The following CERS6 variants were observed in gnomAD, a reference collection of about 807,000 sequenced individuals.
CERS6 encodes ceramide synthase 6, also known as LAG1 homolog, ceramide synthase 6.
A neutral mutation model predicts 56.8 loss-of-function variants in CERS6; 26 were observed. The observed-to-expected ratio is 0.46, with a 90% CI of 0.34 to 0.63. The LOEUF (loss-of-function observed/expected upper bound fraction) is 0.63. Among genes scored for constraint, CERS6 ranks in the 30% least tolerant of loss-of-function variants. The pLI, the probability that CERS6 is intolerant of heterozygous loss-of-function variation, is 0.01. For synonymous variants in CERS6, 164 were observed against 173.3 expected (o/e 0.95, Z 0.42); for missense variants, 415 against 467.5 (o/e 0.89, Z 1.04).
intron 8 of CERS6, among the ~76,000 whole-genome samples, chr2:168,731,952 T>C (rs1013255055): frequency 5.9e-5 from 9 of 152,214 alleles, no homozygotes; most frequent in African/African-American, 2.2e-4. Flanking sequence ...TGAAAAATGA[T>C]CAGAACCCTT....
intron 3 of CERS6, among the ~76,000 whole-genome samples, chr2:168,573,988 C>G (rs1235102260): frequency 1.3e-5 from 2 of 152,198 alleles, no homozygotes; most frequent in African/African-American, 2.4e-5. Context: ...CCAAACAGAT[C>G]TCCAGAAGTA....
intron 1 of CERS6, among the ~76,000 whole-genome samples, chr2:168,485,407 G>A (rs1203833797): frequency 6.6e-6 from 1 of 152,086 alleles, no homozygotes; most frequent in Non-Finnish European, 1.5e-5. Flanking sequence ...CGTTCCATGA[G>A]TTTTGCAAAT....
chr2:168,661,391 A>G (rs1303077314), intron 4 of CERS6, among the ~76,000 whole-genome samples: 1 of 152,212 alleles, frequency 6.6e-6, no homozygotes, highest in Non-Finnish European at 1.5e-5. Flanking sequence ...TACCAAATGT[A>G]CCATTCGTAG....
intron 9 of CERS6, among the ~76,000 whole-genome samples, chr2:168,767,773 T>C (rs1266951235): frequency 6.6e-6 from 1 of 152,154 alleles, no homozygotes; most frequent in Non-Finnish European, 1.5e-5. Flanking sequence ...AGTGGTAACA[T>C]AGACAGGATG....
At chr2:168,555,732 G>C (rs1454156805) in intron 2 of CERS6, among the ~76,000 whole-genome samples, 3 of 145,790 alleles carry the variant, frequency 2.1e-5, no homozygotes, top group South Asian at 2.2e-4. Flanking sequence ...CTGTGTGTGT[G>C]TGTGTGTGTG....
chr2:168,743,704 A>T (rs1683998287), intron 8 of CERS6, among the ~76,000 whole-genome samples: 1 of 152,226 alleles, frequency 6.6e-6, no homozygotes, highest in South Asian at 2.1e-4. Context: ...TTGTTAAGTA[A>T]AAGTCTGTAA....
At chr2:168,717,103 A>G (rs933509716) in intron 7 of CERS6, among the ~76,000 whole-genome samples, 1 of 152,168 alleles carries the variant, frequency 6.6e-6, no homozygotes, top group Non-Finnish European at 1.5e-5. Flanking sequence ...GATGGTAGAG[A>G]AAGGGATGTG....
intron 4 of CERS6, among the ~76,000 whole-genome samples, chr2:168,676,597 G>A (rs1313441069): frequency 6.6e-6 from 1 of 152,094 alleles, no homozygotes; most frequent in Non-Finnish European, 1.5e-5. Flanking sequence ...TGAAGTGAAA[G>A]ACTCTGTCCA....
At chr2:168,613,797 A>T (rs1176830990) in intron 3 of CERS6, among the ~76,000 whole-genome samples, 2 of 152,208 alleles carry the variant, frequency 1.3e-5, no homozygotes, top group East Asian at 3.8e-4. Context: ...AGAAATCATG[A>T]TGCTCGGTTC....
chr2:168,568,174 G>A (rs760111613), intron 3 of CERS6, among the ~76,000 whole-genome samples: 2 of 152,188 alleles, frequency 1.3e-5, no homozygotes, highest in Non-Finnish European at 2.9e-5. Flanking sequence ...ATTAGCTACT[G>A]CTGTGGTCTG....
intron 8 of CERS6, among the ~76,000 whole-genome samples, chr2:168,728,612 C>A (rs62174442): frequency 0.029 from 4,396 of 151,214 alleles, 88 homozygotes; most frequent in East Asian, 0.066. Context: ...GTCTCGAACT[C>A]CTGACCTCAG....
At chr2:168,588,080 ATTT>A (rs11396816) in intron 3 of CERS6, among the ~76,000 whole-genome samples, 1 of 138,542 alleles carries the variant, frequency 7.2e-6, no homozygotes, top group Admixed American at 7.2e-5. Context: ...TACCTGGCTA[ATTT>A]TTTTTTTTTT....
chr2:168,722,141 C>T (rs1683194720), intron 8 of CERS6, among the ~76,000 whole-genome samples: 1 of 152,058 alleles, frequency 6.6e-6, no homozygotes, highest in African/African-American at 2.4e-5. Flanking sequence ...AAAGTTTATG[C>T]ACGATTATAT....
intron 8 of CERS6, among the ~76,000 whole-genome samples, chr2:168,746,826 C>T (rs1376790834): frequency 3.4e-4 from 20 of 59,250 alleles, no homozygotes; most frequent in Non-Finnish European, 2.5e-4. Flanking sequence ...TATATAAAAT[C>T]ATCTTTGAAA....
chr2:168,637,158 G>A (rs930531257), intron 4 of CERS6, among the ~76,000 whole-genome samples: 9 of 152,082 alleles, frequency 5.9e-5, no homozygotes, highest in African/African-American at 2.2e-4. Context: ...TTTTGACCTG[G>A]CACTCCAACT....
At chr2:168,572,470 G>A (rs958704282) in intron 3 of CERS6, among the ~76,000 whole-genome samples, 3 of 151,534 alleles carry the variant, frequency 2.0e-5, no homozygotes, top group Admixed American at 2.0e-4. Context: ...AGCAGAGCTG[G>A]GATTTGTACC....
intron 3 of CERS6, among the ~76,000 whole-genome samples, chr2:168,574,259 C>A (rs1335852800): frequency 6.6e-6 from 1 of 152,146 alleles, no homozygotes; most frequent in African/African-American, 2.4e-5. Flanking sequence ...GAAGCGTTTA[C>A]ATGAATCCTG....
At chr2:168,714,212 CA>C (rs1687170605) in intron 6 of CERS6, among the ~76,000 whole-genome samples, 1 of 152,174 alleles carries the variant, frequency 6.6e-6, no homozygotes, top group Non-Finnish European at 1.5e-5. Flanking sequence ...AATTACCTCC[CA>C]AATACCCCAC....
At chr2:168,615,546 A>G (rs1463175412) in intron 3 of CERS6, among the ~76,000 whole-genome samples, 1 of 152,188 alleles carries the variant, frequency 6.6e-6, no homozygotes, top group African/African-American at 2.4e-5. Context: ...TTTAGGAAAT[A>G]CTGGATGCAC....
Sources: gnomAD v4.1 joint callset for allele counts (sites outside exome capture counted in the v4.1 genomes callset) on GRCh38, gnomAD v4.1.1 for gene constraint, MANE v1.5 for transcripts, NCBI Gene and HGNC (gene_info 2026-07-23, HGNC 2026-07-21) for gene names.